ATP9A: variants seen among roughly 807,000 people sequenced by gnomAD.
ATP9A encodes probable phospholipid-transporting ATPase IIA.
A neutral mutation model predicts 144.1 loss-of-function variants in ATP9A; 52 were observed. That is an observed-to-expected ratio of 0.36 (90% CI 0.29 to 0.45). The LOEUF is 0.45. Ranked by LOEUF, ATP9A falls within the 20% of genes least tolerant of loss-of-function variation. The pLI, the probability that ATP9A is intolerant of heterozygous loss-of-function variation, is 1.00. For synonymous variants in ATP9A, 582 were observed against 557.4 expected (o/e 1.04, Z -0.62); for missense variants, 947 against 1,392.7 (o/e 0.68, Z 5.09).
chr20:51,603,058 C>A (rs763605252), intron 27 of ATP9A, among the ~76,000 whole-genome samples: 1 of 131,692 alleles, frequency 7.6e-6, no homozygotes, highest in Non-Finnish European at 1.7e-5. Context: ...GAGGATGGGG[C>A]GTGAGGGGGT....
At chr20:51,726,753 G>C (rs1293897735) in intron 2 of ATP9A, among the ~76,000 whole-genome samples, 1 of 151,702 alleles carries the variant, frequency 6.6e-6, no homozygotes, top group African/African-American at 2.4e-5. Flanking sequence ...TAAATTTTTT[G>C]CTATTTGTAG....
At chr20:51,622,977 TG>T (rs1238947421) in intron 18 of ATP9A, among the ~76,000 whole-genome samples, 1 of 152,192 alleles carries the variant, frequency 6.6e-6, no homozygotes, top group African/African-American at 2.4e-5. Flanking sequence ...CTGAGCTCTC[TG>T]TTACCTTCAT....
At chr20:51,747,697 A>C in intron 1 of ATP9A, among the ~76,000 whole-genome samples, 1 of 152,082 alleles carries the variant, frequency 6.6e-6, no homozygotes, top group East Asian at 1.9e-4. Context: ...CTGTTTCTCC[A>C]TCTCTGAGTC....
chr20:51,652,756 T>G (rs2077371530), intron 14 of ATP9A, among the ~76,000 whole-genome samples: 2 of 152,234 alleles, frequency 1.3e-5, no homozygotes, highest in East Asian at 3.8e-4. Context: ...TGCATTCATG[T>G]GTTCTACTAT....
At chr20:51,666,562 T>A (rs888204543) in intron 13 of ATP9A, among the ~76,000 whole-genome samples, 4 of 151,488 alleles carry the variant, frequency 2.6e-5, no homozygotes, top group African/African-American at 4.9e-5. Context: ...GTGCCTGTAA[T>A]CCCAGCTACT....
At chr20:51,691,054 T>G (rs2077546558) in intron 7 of ATP9A, among the ~76,000 whole-genome samples, 1 of 152,204 alleles carries the variant, frequency 6.6e-6, no homozygotes, top group African/African-American at 2.4e-5. Flanking sequence ...CTCGTTTCTC[T>G]GTTTACTCAG....
chr20:51,746,695 C>T (rs751872453), intron 1 of ATP9A, among the ~76,000 whole-genome samples: 1 of 152,122 alleles, frequency 6.6e-6, no homozygotes, highest in Admixed American at 6.6e-5. Context: ...AAAAATGGGC[C>T]GGACATGGTG....
chr20:51,752,316 T>C (rs2077836061), intron 1 of ATP9A, among the ~76,000 whole-genome samples: 1 of 152,242 alleles, frequency 6.6e-6, no homozygotes, highest in African/African-American at 2.4e-5. Context: ...AAGACAGTGA[T>C]GCTGGCACCC....
At chr20:51,721,340 G>T (rs1391168813) in intron 3 of ATP9A, among the ~76,000 whole-genome samples, 1 of 152,204 alleles carries the variant, frequency 6.6e-6, no homozygotes. Context: ...AATTTAATAA[G>T]TTGGGCGTGT....
At chr20:51,719,270 G>C (rs2077677622) in intron 3 of ATP9A, among the ~76,000 whole-genome samples, 1 of 152,108 alleles carries the variant, frequency 6.6e-6, no homozygotes, top group Non-Finnish European at 1.5e-5. Context: ...AGAGCAGAGA[G>C]GACAAGGGAC....
At chr20:51,690,845 AG>A (rs2077545571) in intron 7 of ATP9A, 26 bp from the exon 8 acceptor site, 2 of 1,594,884 alleles carry the variant, frequency 1.3e-6, no homozygotes, top group South Asian at 2.2e-5. Context: ...CACATTCGGG[AG>A]TCAAAGTCAG....
chr20:51,712,454 C>A (rs1309284800), intron 4 of ATP9A, among the ~76,000 whole-genome samples: 1 of 152,188 alleles, frequency 6.6e-6, no homozygotes, highest in African/African-American at 2.4e-5. Flanking sequence ...GGATCAGACT[C>A]CATGCTCTGC....
chr20:51,642,770 C>T (rs932513889), intron 14 of ATP9A, among the ~76,000 whole-genome samples: 3 of 122,756 alleles, frequency 2.4e-5, no homozygotes, highest in East Asian at 2.6e-4. Flanking sequence ...AAAAACCTGG[C>T]GTTCCTCTTG....
At position 51,753,141 on chromosome 20, in the gene ATP9A, A is replaced by C. The variant is rs114399128; in HGVS notation, c.68+15161T>G. ...AAGAAAGAAAGAAAAGAAAAAGAAA[A>C]CATTACTTGTAAAGTGAAAATAAAA... On this transcript the variant is annotated intron_variant, in intron 1 of 27. Coordinates refer to ENST00000338821, the MANE Select transcript of ATP9A (RefSeq NM_006045.3). Among the ~76,000 whole-genome samples, 340 of 152,184 alleles carry C rather than the reference A, an allele frequency of 2.2e-3. 3 individuals carry two copies. The highest frequency in any genetic ancestry group is 7.4e-3 in the African/African-American group (307 of 41,534).
chr20:51,729,859 T>C lies in ATP9A; in HGVS notation c.188A>G (p.Tyr63Cys). 6.3e-7 allele frequency: 1 copy of C among 1,594,530 alleles called. No individual in the cohort carries two copies. Among genetic ancestry groups the C allele is most frequent in the Non-Finnish European group, 8.5e-7 (1 of 1,174,146 alleles). The change falls in exon 2 of 28, where the codon TAC (tyrosine) becomes TGC (cysteine). Residue 63 changes from tyrosine to cysteine, a missense_variant. Physicochemically the swap from Tyr to Cys is radical, Grantham distance 194. This residue lies in a region of ATP9A where 770 missense variants were observed against 1,047.9 expected (regional missense o/e 0.73). Coordinates refer to ENST00000338821, the MANE Select transcript of ATP9A (RefSeq NM_006045.3). ...CCCAGGAAGAAAGGTGAAGAAATTG[T>C]ACTTCTGATTGTTGATGACATTCCG... ...YPRNVINNQK[Y>C]NFFTFLPGVL...
At chr20:51,618,832 C>T (rs1332610729) in intron 20 of ATP9A, 26 bp from the exon 21 acceptor site, 19 of 1,577,356 alleles carry the variant, frequency 1.2e-5, no homozygotes, top group South Asian at 2.4e-5. Flanking sequence ...AGAGGTGGTG[C>T]GTTGGTGGAG....
intron 4 of ATP9A, among the ~76,000 whole-genome samples, chr20:51,708,151 G>A (rs1335031771): frequency 6.6e-6 from 1 of 152,052 alleles, no homozygotes; most frequent in Non-Finnish European, 1.5e-5. Context: ...TCCAATTGAT[G>A]TTGTTCGAGA....
At chr20:51,767,555 C>A (rs2077910629) in intron 1 of ATP9A, among the ~76,000 whole-genome samples, 1 of 152,234 alleles carries the variant, frequency 6.6e-6, no homozygotes, top group South Asian at 2.1e-4. Context: ...CAGAAAAACC[C>A]TTGCCTGTTC....
chr20:51,727,557 G>T (rs539940139), intron 2 of ATP9A, among the ~76,000 whole-genome samples: 6 of 151,968 alleles, frequency 3.9e-5, no homozygotes, highest in Non-Finnish European at 7.4e-5. Flanking sequence ...CTGCACTCTC[G>T]CCTGGGTGAC....
Sources: gnomAD v4.1 joint callset for allele counts (sites outside exome capture counted in the v4.1 genomes callset) on GRCh38, gnomAD v4.1.1 for gene constraint, gnomAD v4.1.1 regional missense constraint, MANE v1.5 for transcripts, NCBI Gene and HGNC (gene_info 2026-07-23, HGNC 2026-07-21) for gene names.